HAPSTR2: variants seen among roughly 807,000 people sequenced by gnomAD.
HAPSTR2 encodes the protein HUWE1-associated protein modifying stress responses 2.
the HAPSTR2 span, chrX:140,092,551 A>G: frequency 2.7e-6 from 2 of 753,312 alleles, no homozygotes; most frequent in Non-Finnish European, 3.1e-6. Context: ...CAAAAGCGCA[A>G]CCGAATGGTC....
At chrX:140,092,640 T>C in the HAPSTR2 span, 1 of 677,836 alleles carries the variant, frequency 1.5e-6, no homozygotes, top group Non-Finnish European at 1.8e-6. Flanking sequence ...TAAAGGTTAC[T>C]GGAGACCATT....
chrX:140,092,595 G>C, the HAPSTR2 span: 2 of 750,359 alleles, frequency 2.7e-6, no homozygotes, highest in Non-Finnish European at 1.6e-6. Context: ...CCGCCATATT[G>C]CTTGAGAGTG....
chrX:140,092,813 G>T, the HAPSTR2 span, among the ~76,000 whole-genome samples: 1 of 111,465 alleles, frequency 9.0e-6, no homozygotes, highest in African/African-American at 3.3e-5. Context: ...TAAAGCAAAC[G>T]TATCTGGTCA....
chrX:140,092,244 G>T, the HAPSTR2 span: 5 of 755,004 alleles, frequency 6.6e-6, no homozygotes, highest in Non-Finnish European at 7.8e-6. Flanking sequence ...ACCCACTGGG[G>T]TCACCAGCCA....
chrX:140,091,699 CGGA>C, the HAPSTR2 span: 1 of 720,282 alleles, frequency 1.4e-6, no homozygotes, highest in African/African-American at 2.3e-5. Flanking sequence ...GCGGCGGCGG[CGGA>C]GGAGGAGGCG....
At chrX:140,091,708 A>C in the HAPSTR2 span, 1 of 775,116 alleles carries the variant, frequency 1.3e-6, no homozygotes, top group Non-Finnish European at 1.6e-6. Flanking sequence ...GCGGAGGAGG[A>C]GGCGGTGGTG....
At chrX:140,092,638 A>G in the HAPSTR2 span, 9 of 668,947 alleles carry the variant, frequency 1.3e-5, no homozygotes, top group Non-Finnish European at 1.4e-5. Flanking sequence ...TCTAAAGGTT[A>G]CTGGAGACCA....
At chrX:140,092,342 T>A in the HAPSTR2 span, 1 of 754,049 alleles carries the variant, frequency 1.3e-6, no homozygotes, top group Non-Finnish European at 1.6e-6. Context: ...TCAGTGGTGC[T>A]ATGGCCGGCA....
At chrX:140,092,800 A>C in the HAPSTR2 span, among the ~76,000 whole-genome samples, 1 of 111,800 alleles carries the variant, frequency 8.9e-6, no homozygotes, top group African/African-American at 3.3e-5. Context: ...TAGCAGGATC[A>C]TTTAAAGCAA....
chrX:140,092,681 T>C, the HAPSTR2 span: 1 of 533,866 alleles, frequency 1.9e-6, no homozygotes, highest in Non-Finnish European at 2.3e-6. Flanking sequence ...AAACAAAGAT[T>C]TCTAACAATT....
the HAPSTR2 span, chrX:140,092,265 A>G: frequency 1.3e-6 from 1 of 754,879 alleles, no homozygotes; most frequent in Non-Finnish European, 1.6e-6. Flanking sequence ...GGCTGTGGCA[A>G]CTGAGTCCAG....
chrX:140,091,772 C>A, the HAPSTR2 span: 1 of 942,460 alleles, frequency 1.1e-6, no homozygotes, highest in Non-Finnish European at 1.3e-6. Context: ...AGGGCGAGGC[C>A]GAGGTCGCGG....
chrX:140,091,779 G>A, the HAPSTR2 span: 212 of 948,191 alleles, frequency 2.2e-4, no homozygotes, highest in Non-Finnish European at 1.1e-5. Flanking sequence ...GGCCGAGGTC[G>A]CGGAGCACTG....
the HAPSTR2 span, among the ~76,000 whole-genome samples, chrX:140,092,827 C>T: frequency 9.0e-6 from 1 of 111,577 alleles, no homozygotes; most frequent in African/African-American, 3.3e-5. Context: ...CTGGTCAAGG[C>T]AGGAGTCTGA....
At chrX:140,092,518 A>C in the HAPSTR2 span, 1 of 751,634 alleles carries the variant, frequency 1.3e-6, no homozygotes, top group African/African-American at 2.3e-5. Context: ...CAATGCAGTG[A>C]TGGCATCACA....
the HAPSTR2 span, chrX:140,092,449 A>G: frequency 1.3e-6 from 1 of 751,534 alleles, no homozygotes; most frequent in African/African-American, 2.3e-5. Flanking sequence ...AATCCCTTCG[A>G]CTCAGAGGAA....
chrX:140,092,409 C>G, the HAPSTR2 span: 1 of 754,100 alleles, frequency 1.3e-6, no homozygotes, highest in Non-Finnish European at 1.6e-6. Flanking sequence ...CAGTGGGCGC[C>G]GAAAAACTAG....
the HAPSTR2 span, chrX:140,091,787 C>T: frequency 5.0e-5 from 48 of 958,880 alleles, no homozygotes; most frequent in African/African-American, 6.0e-5. Flanking sequence ...TCGCGGAGCA[C>T]TGGTTTTCCA....
At chrX:140,092,653 T>C in the HAPSTR2 span, 30 of 616,268 alleles carry the variant, frequency 4.9e-5, no homozygotes, top group South Asian at 2.4e-3. Flanking sequence ...AGACCATTTT[T>C]CTTCCCTTCT....
Sources: gnomAD v4.1 joint callset for allele counts (sites outside exome capture counted in the v4.1 genomes callset) on GRCh38, gnomAD v4.1.1 for gene constraint, MANE v1.5 for transcripts, NCBI Gene and HGNC (gene_info 2026-07-23, HGNC 2026-07-21) for gene names.